The following EPB41L4A variants were observed in gnomAD, a reference collection of about 807,000 sequenced individuals.
EPB41L4A encodes the protein band 4.1-like protein 4A.
EPB41L4A carries 100 observed loss-of-function variants against 108.6 expected under a neutral mutation model. The observed-to-expected ratio is 0.92, with a 90% CI of 0.78 to 1.09. The LOEUF (loss-of-function observed/expected upper bound fraction) is 1.09, where lower values mean the gene tolerates loss of function less well. Ranked by LOEUF, EPB41L4A falls within the 50% of genes least tolerant of loss-of-function variation. The pLI, the probability that EPB41L4A is intolerant of heterozygous loss-of-function variation, is 0.00. For synonymous variants in EPB41L4A, 319 were observed against 289.0 expected, an observed-to-expected ratio of 1.10 and a Z score of -1.05; for missense variants, 1,030 against 842.7, an observed-to-expected ratio of 1.22 and a Z score of -2.75.
intron 1 of EPB41L4A, among the ~76,000 whole-genome samples, chr5:112,386,938 C>T (rs565679251): frequency 6.6e-6 from 1 of 152,188 alleles, no homozygotes; most frequent in African/African-American, 2.4e-5. Flanking sequence ...ACCGACCTCA[C>T]CACTGACAGT....
chr5:112,198,931 ATTTG>A (rs917734823), intron 15 of EPB41L4A, among the ~76,000 whole-genome samples: 2 of 151,860 alleles, frequency 1.3e-5, no homozygotes, highest in Non-Finnish European at 2.9e-5. Context: ...CCTACACCCC[ATTTG>A]TTTGTTTTAG....
intron 1 of EPB41L4A, among the ~76,000 whole-genome samples, chr5:112,323,514 A>T (rs1410136141): frequency 6.6e-6 from 1 of 152,226 alleles, no homozygotes; most frequent in Non-Finnish European, 1.5e-5. Flanking sequence ...AACTTTCCAA[A>T]AACTTATTTA....
Position 112,239,668 on chromosome 5 carries a change from G to A in EPB41L4A, c.957C>T (p.His319=), listed in dbSNP as rs1749631618. Residue 319 remains histidine, a synonymous_variant, in exon 11 of 23, where the codon CAC becomes CAT. Coordinates refer to ENST00000261486, the MANE Select transcript of EPB41L4A (RefSeq NM_022140.5). ...LSKFGSIRYK[H]RYSGRTALQM... is the part of the protein sequence containing the mutation. ...AAAAAAATGTCATTTACCTGTAGCG[G>A]TGCTTATAACGTATGGATCCAAACT... 6.3e-7 allele frequency: 1 copy of A among 1,599,736 alleles called. No individual in the cohort carries two copies. Among genetic ancestry groups the A allele is most frequent in the Non-Finnish European group, 8.5e-7 (1 of 1,173,456 alleles).
At chr5:112,338,493 C>T (rs1285235148) in intron 1 of EPB41L4A, among the ~76,000 whole-genome samples, 1 of 152,086 alleles carries the variant, frequency 6.6e-6, no homozygotes, top group African/African-American at 2.4e-5. Context: ...CACCTGTGCT[C>T]CCTCACCAGG....
At chr5:112,161,586 C>T (rs1369043359), downstream of EPB41L4A, 1 of 519,058 alleles carries the variant, frequency 1.9e-6, no homozygotes, top group Non-Finnish European at 3.8e-6. Flanking sequence ...AAATTTGATA[C>T]CTTTGGTGTA....
At chr5:112,165,220 G>T in intron 22 of EPB41L4A, 102 bp from the exon 23 acceptor site, 1 of 861,140 alleles carries the variant, frequency 1.2e-6, no homozygotes, top group South Asian at 1.8e-5. Context: ...TTAAGATACT[G>T]AGTTAATTCA....
intron 18 of EPB41L4A, among the ~76,000 whole-genome samples, chr5:112,177,254 T>G (rs1232027327): frequency 2.6e-5 from 4 of 152,244 alleles, no homozygotes; most frequent in African/African-American, 9.6e-5. Flanking sequence ...CTTCTGGAGC[T>G]GCCCACATTT....
downstream of EPB41L4A, chr5:112,161,354 T>C: frequency 4.9e-6 from 2 of 404,616 alleles, no homozygotes; most frequent in South Asian, 3.8e-5. Context: ...CATTTCACTT[T>C]TCATTATTAA....
chr5:112,418,471 A>C (rs887607711), intron 1 of EPB41L4A, among the ~76,000 whole-genome samples: 7 of 152,270 alleles, frequency 4.6e-5, no homozygotes, highest in Admixed American at 4.6e-4. Context: ...CTACGAACCC[A>C]CGCAAAACAA....
At chr5:112,210,098 G>A in intron 12 of EPB41L4A, 116 bp from the exon 13 acceptor site, 1 of 601,202 alleles carries the variant, frequency 1.7e-6, no homozygotes, top group Non-Finnish European at 2.9e-6. Flanking sequence ...ACATTTTATT[G>A]ATAAATTATA....
intron 18 of EPB41L4A, among the ~76,000 whole-genome samples, chr5:112,178,773 C>T (rs1223481913): frequency 6.6e-6 from 1 of 151,012 alleles, no homozygotes. Context: ...TAAAGCATGG[C>T]TGAAAGGGAA....
rs1353752190 is a variant in EPB41L4A, at chr5:112,311,829, T to C, written c.100-4339A>G. On this transcript the variant is annotated intron_variant, in intron 1 of 22. Transcript: ENST00000261486. Reference sequence around the variant, plus strand: ...GAATGCTGGCATATGAAGATAGTCTTCCATTTTGATCTAATCTCACTTATG... The same window carrying C: ...GAATGCTGGCATATGAAGATAGTCTCCCATTTTGATCTAATCTCACTTATG... Among the ~76,000 whole-genome samples the C allele has an allele frequency of 2.0e-5, 3 of 152,194 alleles. No individual in the cohort carries two copies. In the South Asian group the frequency reaches 6.2e-4, roughly 32 times the overall value.
At chr5:112,337,941 A>C (rs1757031603) in intron 1 of EPB41L4A, among the ~76,000 whole-genome samples, 1 of 152,126 alleles carries the variant, frequency 6.6e-6, no homozygotes, top group South Asian at 2.1e-4. Flanking sequence ...GCAAGAAGGC[A>C]CTGGGCACAT....
intron 1 of EPB41L4A, among the ~76,000 whole-genome samples, chr5:112,352,774 A>G (rs1377629603): frequency 1.3e-5 from 2 of 152,262 alleles, no homozygotes; most frequent in Admixed American, 1.3e-4. Flanking sequence ...TATCTCACCA[A>G]CCTTCTTCAA....
chr5:112,293,318 G>A (rs1460784678), intron 2 of EPB41L4A, among the ~76,000 whole-genome samples: 1 of 151,896 alleles, frequency 6.6e-6, no homozygotes, highest in Non-Finnish European at 1.5e-5. Context: ...TGTGACCCAG[G>A]CATTAAGCCT....
chr5:112,355,319 G>A (rs6893840), intron 1 of EPB41L4A, among the ~76,000 whole-genome samples: 7,233 of 152,238 alleles, frequency 0.048, 508 homozygotes, highest in African/African-American at 0.16. Context: ...GGTTTCAGAT[G>A]AATCCACTAT....
In EPB41L4A at chr5:112,419,131, T is replaced by A; in HGVS notation, c.-92A>T. 2.1e-6 allele frequency: 2 copies of A among 965,654 alleles called. No individual in the cohort carries two copies. Among genetic ancestry groups the A allele is most frequent in the East Asian group, 5.3e-5 (2 of 37,630 alleles). 59.8% of individuals were successfully genotyped at this position (965,654 alleles called of 1,614,324 possible). A position where few individuals can be genotyped will look rare whatever the true frequency, so the allele number is the denominator to read the frequency against. On this transcript the variant is annotated 5_prime_UTR_variant, in exon 1 of 23. Coordinates refer to ENST00000261486, the MANE Select transcript of EPB41L4A (RefSeq NM_022140.5). ...TCAAGCGCGATGCATTAATTTATTG[T>A]CCGCGCCGTGGCGAGGGTGAGACGA...
chr5:112,409,001 G>A (rs1026373979), intron 1 of EPB41L4A, among the ~76,000 whole-genome samples: 1 of 151,968 alleles, frequency 6.6e-6, no homozygotes, highest in Non-Finnish European at 1.5e-5. Flanking sequence ...AATTAAATGA[G>A]AACATACATC....
At chr5:112,367,962 G>A (rs1335918896) in intron 1 of EPB41L4A, among the ~76,000 whole-genome samples, 1 of 152,088 alleles carries the variant, frequency 6.6e-6, no homozygotes, top group Non-Finnish European at 1.5e-5. Flanking sequence ...TACCTTACCA[G>A]GAAGATGAAG....
Sources: gnomAD v4.1 joint callset for allele counts (sites outside exome capture counted in the v4.1 genomes callset) on GRCh38, gnomAD v4.1.1 for gene constraint, MANE v1.5 for transcripts, NCBI Gene and HGNC (gene_info 2026-07-23, HGNC 2026-07-21) for gene names.